WDR20: variants seen among roughly 807,000 people sequenced by gnomAD.
WDR20 encodes the protein WD repeat domain 20, also known as WD repeat-containing protein 20.
Under a neutral mutation model 38.7 loss-of-function variants are expected in WDR20, and 3 were observed. That is an observed-to-expected ratio of 0.08 (90% CI 0.04 to 0.20). WDR20 has a LOEUF of 0.20. Among genes scored for constraint, WDR20 ranks in the 10% least tolerant of loss-of-function variants. The pLI is 1.00. For missense variants in WDR20, 559 were observed against 727.7 expected (o/e 0.77, Z 2.67); for synonymous variants, 298 against 285.6 (o/e 1.04, Z -0.44).
At chr14:102,187,810 G>A (rs1395713723) in intron 1 of WDR20, among the ~76,000 whole-genome samples, 4 of 152,190 alleles carry the variant, frequency 2.6e-5, no homozygotes, top group African/African-American at 9.6e-5. Flanking sequence ...GGGGTGCCAG[G>A]CAGGGGACCC....
chr14:102,150,777 C>T (rs937812673), intron 1 of WDR20, among the ~76,000 whole-genome samples: 1 of 152,052 alleles, frequency 6.6e-6, no homozygotes, highest in Non-Finnish European at 1.5e-5. Context: ...GAGGTATGGG[C>T]CCTGACCTTA....
chr14:102,190,837 C>G (rs1019098740), intron 1 of WDR20, among the ~76,000 whole-genome samples: 2 of 151,934 alleles, frequency 1.3e-5, no homozygotes, highest in African/African-American at 4.8e-5. Flanking sequence ...CCTGTCTCTA[C>G]TGAAAATACA....
rs5811062 is a variant in WDR20 at position 102,202,372 on chromosome 14, G to GTTTT, written c.433-6209_433-6206dup. Among the ~76,000 whole-genome samples the GTTTT allele has an allele frequency of 5.5e-4, 37 of 67,656 alleles. 1 individual carries two copies. The highest frequency in any genetic ancestry group is 1.1e-3 in the East Asian group (2 of 1,774). 44.4% of individuals were successfully genotyped at this position (67,656 alleles called of 152,430 possible). Reference sequence around the variant, plus strand: ...TTTTTGTCCTGTGCCCTGTATGGAGGTTTTTTTTTTTTTTTTTTTTTTTTT... The same window carrying GTTTT: ...TTTTTGTCCTGTGCCCTGTATGGAGGTTTTTTTTTTTTTTTTTTTTTTTTTTTTT... On this transcript the variant is annotated intron_variant, in intron 2 of 2. Transcript: ENST00000342702.
At chr14:102,198,948 T>A (rs538286613) in intron 2 of WDR20, among the ~76,000 whole-genome samples, 1 of 152,150 alleles carries the variant, frequency 6.6e-6, no homozygotes, top group Admixed American at 6.5e-5. Flanking sequence ...AGCACAAAAC[T>A]AGGGGTTACA....
chr14:102,155,627 G>C (rs918457121), intron 1 of WDR20, among the ~76,000 whole-genome samples: 4 of 152,194 alleles, frequency 2.6e-5, no homozygotes, highest in African/African-American at 9.7e-5. Flanking sequence ...CTAGAATTTA[G>C]AGGGTAGCCT....
chr14:102,139,730 GT>G, upstream of WDR20: 1 of 840,070 alleles, frequency 1.2e-6, no homozygotes, highest in Non-Finnish European at 1.8e-6. Context: ...AGCACGCCAG[GT>G]GAGCACGCCT....
At chr14:102,172,777 G>T (rs1472714284) in intron 1 of WDR20, among the ~76,000 whole-genome samples, 2 of 150,388 alleles carry the variant, frequency 1.3e-5, no homozygotes, top group Non-Finnish European at 3.0e-5. Context: ...TCCCAGACGG[G>T]GTGGCTGCTG....
At chr14:102,197,999 C>T in intron 2 of WDR20, 2 of 500,500 alleles carry the variant, frequency 4.0e-6, no homozygotes, top group Non-Finnish European at 7.1e-6. Flanking sequence ...GGTATAATAG[C>T]ACCACCCCCG....
chr14:102,143,011 G>A lies in WDR20; in HGVS notation c.249+2839G>A, dbSNP rs555070821. Among the ~76,000 whole-genome samples the A allele has an allele frequency of 7.2e-5, 11 of 152,226 alleles. 1 individual carries two copies. The South Asian group carries it at 2.3e-3, about 32-fold the overall frequency. On this transcript the variant is annotated intron_variant, in intron 1 of 2. Transcript: ENST00000342702. ...GGTGAGGAAGTAGTCTAACGTTCAT[G>A]CTGAGGAGTGCAATCTTGATCCTTT...
At chr14:102,190,282 A>T (rs970727907) in intron 1 of WDR20, among the ~76,000 whole-genome samples, 18 of 152,172 alleles carry the variant, frequency 1.2e-4, no homozygotes, top group African/African-American at 4.3e-4. Flanking sequence ...TGATTAGGCC[A>T]GGCGCAGTGG....
intron 1 of WDR20, among the ~76,000 whole-genome samples, chr14:102,192,199 AGAC>A (rs2058625049): frequency 6.8e-6 from 1 of 147,218 alleles, no homozygotes; most frequent in African/African-American, 2.5e-5. Flanking sequence ...TTTTTTTTTG[AGAC>A]AGAGTCTCGC....
At chr14:102,218,516 G>T (rs570189394), downstream of WDR20, among the ~76,000 whole-genome samples, 68 of 152,326 alleles carry the variant, frequency 4.5e-4, 1 homozygote, top group African/African-American at 1.6e-3. Context: ...CAGGAACATG[G>T]CCTTGCTGCT....
At chr14:102,187,156 G>A (rs950426932) in intron 1 of WDR20, among the ~76,000 whole-genome samples, 13 of 152,248 alleles carry the variant, frequency 8.5e-5, no homozygotes, top group Admixed American at 5.2e-4. Context: ...AATGATAATA[G>A]CACTACAGTC....
At chr14:102,212,687 C>A, downstream of WDR20, 1 of 1,507,230 alleles carries the variant, frequency 6.6e-7, no homozygotes, top group Non-Finnish European at 8.9e-7. Context: ...CTGGGGAGGG[C>A]CTGGGGAGGG....
downstream of WDR20, among the ~76,000 whole-genome samples, chr14:102,216,936 G>GA (rs1340304788): frequency 2.0e-5 from 3 of 151,922 alleles, no homozygotes; most frequent in East Asian, 1.9e-4. Flanking sequence ...CTGTCTTAAA[G>GA]AAAAAAAATA....
chr14:102,153,307 CTT>C (rs57513596), intron 1 of WDR20, among the ~76,000 whole-genome samples: 11 of 128,198 alleles, frequency 8.6e-5, no homozygotes, highest in Admixed American at 8.6e-5. Flanking sequence ...AAACCTCTTT[CTT>C]TTTTTTTTTT....
At chr14:102,169,734 G>A (rs566903796) in intron 1 of WDR20, among the ~76,000 whole-genome samples, 1 of 152,122 alleles carries the variant, frequency 6.6e-6, no homozygotes, top group South Asian at 2.1e-4. Context: ...CACCATGTTG[G>A]CCAGGCTGGT....
In WDR20 at chr14:102,144,382, C is replaced by G. The variant is rs1213747141; in HGVS notation, c.249+4210C>G. Among the ~76,000 whole-genome samples the G allele has an allele frequency of 2.0e-5, 3 of 150,986 alleles. 1 individual carries two copies. The highest frequency in any genetic ancestry group is 4.2e-4 in the South Asian group (2 of 4,776). ...CTATAGTCCCAGCTACTCGGGAGGC[C>G]GAGGCAGGAGAATCACTTGAACCCT... On this transcript the variant is annotated intron_variant, in intron 1 of 2. Transcript: ENST00000342702.
intron 1 of WDR20, among the ~76,000 whole-genome samples, chr14:102,143,864 T>A (rs1484101769): frequency 6.6e-6 from 1 of 151,326 alleles, no homozygotes; most frequent in Admixed American, 6.6e-5. Flanking sequence ...TATTACATAC[T>A]TTGTTCTCCT....
Sources: allele counts gnomAD v4.1 joint callset (sites outside exome capture counted in the v4.1 genomes callset), GRCh38; gene constraint gnomAD v4.1.1; transcripts MANE v1.5; gene names NCBI Gene and HGNC (gene_info 2026-07-23, HGNC 2026-07-21).